Variants in SCUBE1 observed in about 807,000 individuals in gnomAD.
SCUBE1 encodes the protein signal peptide, CUB and EGF-like domain-containing protein 1.
SCUBE1 carries 59 observed loss-of-function variants against 124.4 expected under a neutral mutation model. The observed-to-expected ratio is 0.47, with a 90% CI of 0.38 to 0.59. The LOEUF (loss-of-function observed/expected upper bound fraction) is 0.59, where lower values mean the gene tolerates loss of function less well. Ranked by LOEUF, SCUBE1 falls within the 20% of genes least tolerant of loss-of-function variation. The pLI, the probability that SCUBE1 is intolerant of heterozygous loss-of-function variation, is 0.00. For missense variants in SCUBE1, 1,150 were observed against 1,371.2 expected (o/e 0.84, Z 2.55); for synonymous variants, 545 against 550.9 (o/e 0.99, Z 0.15).
rs751982052 is a variant in SCUBE1, at chr22:43,238,845, T to G, written c.837A>C (p.Thr279=). The change falls in exon 7 of 22, where the codon ACA becomes ACC. Residue 279 remains threonine (T), a synonymous_variant. Transcript: ENST00000360835. ...VGFTLQPDGK[T]CKDINECLVN... is the part of the protein sequence containing the mutation. ...ACAGCTCCACATGCTGACCTTTGCA[T>G]GTCTTCCCGTCCGGCTGCAGTGTGA... is the stretch of plus-strand genomic sequence containing the variant. The G allele has an allele frequency of 6.2e-7, 1 of 1,612,948 alleles. No homozygotes were observed. Among genetic ancestry groups the G allele is most frequent in the East Asian group, 2.2e-5 (1 of 44,882 alleles).
intron 6 of SCUBE1, among the ~76,000 whole-genome samples, chr22:43,253,607 C>T (rs1923542239): frequency 6.6e-6 from 1 of 152,142 alleles, no homozygotes; most frequent in African/African-American, 2.4e-5. Context: ...GCTGAGGCTA[C>T]CTGCATTCTC....
intron 6 of SCUBE1, among the ~76,000 whole-genome samples, chr22:43,244,605 G>GCT (rs1432617207): frequency 1.3e-5 from 2 of 152,224 alleles, no homozygotes; most frequent in African/African-American, 4.8e-5. Context: ...CGCTGTGCAG[G>GCT]GCACAAGGGC....
intron 4 of SCUBE1, among the ~76,000 whole-genome samples, chr22:43,268,368 T>C (rs543188439): frequency 3.3e-5 from 5 of 152,358 alleles, no homozygotes; most frequent in African/African-American, 1.2e-4. Flanking sequence ...CTCCCCTTCT[T>C]AATGGGAAGT....
chr22:43,207,451 C>T, intron 21 of SCUBE1, 83 bp downstream of exon 21: 1 of 1,090,250 alleles, frequency 9.2e-7, no homozygotes, highest in African/African-American at 1.5e-5. Context: ...CTCCAGGGGC[C>T]AGGGCTGGGG....
chr22:43,248,449 C>T (rs1026464324), intron 6 of SCUBE1, among the ~76,000 whole-genome samples: 12 of 152,254 alleles, frequency 7.9e-5, no homozygotes, highest in African/African-American at 2.7e-4. Context: ...ACAGCGGAGT[C>T]GCCATCACCT....
rs762203765 is a variant in SCUBE1, at chr22:43,223,180, G to T, written c.1244C>A (p.Pro415His). 1 of 1,572,590 alleles carries T rather than the reference G, an allele frequency of 6.4e-7. No homozygotes were observed. Residue 415 changes from proline to histidine, a missense_variant, in exon 11 of 22, where the codon CCC becomes CAC. This residue lies in a region of SCUBE1 where 757 missense variants were observed against 840.9 expected (regional missense o/e 0.90). Coordinates refer to ENST00000360835, the MANE Select transcript of SCUBE1 (RefSeq NM_173050.5). ...GKCLSRAKTSPRAQLSCSKAG... is the reference protein window; with the variant it reads ...GKCLSRAKTSHRAQLSCSKAG... ...CTTGCTGCAGGACAGCTGGGCCCGG[G>T]GGGAGGTCTTGGCGCGAGAAAGACA...
At chr22:43,296,945 C>T (rs1019444245) in intron 3 of SCUBE1, among the ~76,000 whole-genome samples, 7 of 152,204 alleles carry the variant, frequency 4.6e-5, no homozygotes, top group African/African-American at 1.7e-4. Flanking sequence ...TCCCCGTGAG[C>T]TGTGAACTCC....
At position 43,326,742 on chromosome 22, in the gene SCUBE1, C is replaced by T. The variant is rs79742202; in HGVS notation, c.221-6677G>A. On this transcript the variant is annotated intron_variant, in intron 2 of 21. Coordinates refer to ENST00000360835, the MANE Select transcript of SCUBE1 (RefSeq NM_173050.5). ...TTCCCACTCTGTGATTCAAGATAAC[C>T]GTGGGGTTGGAGCTGCTCAGTGACC... Among the ~76,000 whole-genome samples, 684 of 152,152 alleles carry T rather than the reference C, an allele frequency of 4.5e-3. 5 individuals carry two copies. Among genetic ancestry groups the T allele is most frequent in the African/African-American group, 0.016 (644 of 41,524 alleles).
At position 43,197,770 on chromosome 22, in the gene SCUBE1, C is replaced by T. The variant is rs2146638439; in HGVS notation, c.*6227G>A. 1 of 152,372 alleles carries T rather than the reference C, an allele frequency of 6.6e-6. No homozygotes were observed. The highest frequency in any genetic ancestry group is 6.5e-5 in the Admixed American group (1 of 15,310). The allele number at this position is 152,372 out of a possible 1,614,324, so 9.4% of individuals were successfully genotyped here. On this transcript the variant is annotated 3_prime_UTR_variant, in exon 22 of 22. Coordinates refer to ENST00000360835, the MANE Select transcript of SCUBE1 (RefSeq NM_173050.5). ...TCTGCTCACGTCGGCACAGTGAGTACCCTGTCCGCCTGGTAGGGAAGGCAG... is the reference window on the plus strand; with the variant it reads ...TCTGCTCACGTCGGCACAGTGAGTATCCTGTCCGCCTGGTAGGGAAGGCAG...
intron 3 of SCUBE1, among the ~76,000 whole-genome samples, chr22:43,293,890 G>A (rs1035914356): frequency 3.9e-5 from 6 of 152,164 alleles, no homozygotes; most frequent in Admixed American, 1.3e-4. Flanking sequence ...GCTCCCTGGC[G>A]CCGCCCATCT....
At chr22:43,222,831 G>T in intron 11 of SCUBE1, 89 bp from the exon 12 acceptor site, 1 of 1,117,158 alleles carries the variant, frequency 9.0e-7, no homozygotes, top group Non-Finnish European at 1.3e-6. Flanking sequence ...ATTGTGGAGT[G>T]AGACGAAGAT....
intron 4 of SCUBE1, among the ~76,000 whole-genome samples, chr22:43,280,492 CCCG>C (rs1569009480): frequency 2.4e-4 from 10 of 42,100 alleles, no homozygotes; most frequent in South Asian, 1.5e-3. Flanking sequence ...CTCACCCATC[CCCG>C]TCCCTTCCCC....
chr22:43,315,424 C>A (rs1184247189), intron 3 of SCUBE1, among the ~76,000 whole-genome samples: 1 of 152,180 alleles, frequency 6.6e-6, no homozygotes, highest in Non-Finnish European at 1.5e-5. Context: ...TTTCTGCCAA[C>A]ACTGATTAAG....
In SCUBE1 at chr22:43,284,493, G is replaced by C. The variant is rs539874576; in HGVS notation, c.484+6553C>G. Among the ~76,000 whole-genome samples, 6 of 152,358 alleles carry C rather than the reference G, an allele frequency of 3.9e-5. 1 individual carries two copies. In the South Asian group the frequency reaches 1.2e-3, roughly 32 times the overall value. Reference sequence around the variant, plus strand: ...TCACCATACTTGGGCCGACAACTGAGAGGGGTCCCAGAACCTTCCCCATTG... The same window carrying C: ...TCACCATACTTGGGCCGACAACTGACAGGGGTCCCAGAACCTTCCCCATTG... On this transcript the variant is annotated intron_variant, in intron 4 of 21. Coordinates refer to ENST00000360835, the MANE Select transcript of SCUBE1 (RefSeq NM_173050.5).
chr22:43,254,618 C>T (rs1421442743), intron 6 of SCUBE1, among the ~76,000 whole-genome samples: 3 of 152,120 alleles, frequency 2.0e-5, no homozygotes, highest in Middle Eastern at 3.2e-3. Context: ...GCCTCTTCCT[C>T]GGAGAAATGG....
rs1921918167 is a variant in SCUBE1, at chr22:43,218,133, T to C, written c.1891+122A>G. 1.2e-5 allele frequency: 11 copies of C among 899,762 alleles called. No individual in the cohort carries two copies. In the East Asian group the frequency reaches 2.7e-4, roughly 22 times the overall value. 55.7% of individuals were successfully genotyped at this position (899,762 alleles called of 1,614,324 possible). A position where few individuals can be genotyped will look rare whatever the true frequency, so the allele number is the denominator to read the frequency against. ...CTGCAGTCCTTCTCCCCGGCAGGCC[T>C]CTGCATCTCTCTGTCCCCTCCCCAG... On this transcript the variant is annotated intron_variant, in intron 15 of 21. Coordinates refer to ENST00000360835, the MANE Select transcript of SCUBE1 (RefSeq NM_173050.5).
intron 10 of SCUBE1, among the ~76,000 whole-genome samples, chr22:43,224,421 T>C (rs972901127): frequency 6.6e-6 from 1 of 152,236 alleles, no homozygotes; most frequent in African/African-American, 2.4e-5. Flanking sequence ...GACTATTAGA[T>C]AAAGGTTTAT....
At chr22:43,245,310 C>T (rs1033170890) in intron 6 of SCUBE1, among the ~76,000 whole-genome samples, 4 of 152,252 alleles carry the variant, frequency 2.6e-5, no homozygotes, top group Non-Finnish European at 5.9e-5. Flanking sequence ...CGCGCCTGGT[C>T]CTGACCACGC....
chr22:43,215,607 C>T (rs1239191148), intron 15 of SCUBE1, among the ~76,000 whole-genome samples: 1 of 152,166 alleles, frequency 6.6e-6, no homozygotes, highest in Non-Finnish European at 1.5e-5. Context: ...GATTAGGCCT[C>T]GAAGCTGAGG....
Sources: allele counts gnomAD v4.1 joint callset (sites outside exome capture counted in the v4.1 genomes callset), GRCh38; gene constraint gnomAD v4.1.1; regional missense constraint gnomAD v4.1.1; transcripts MANE v1.5; gene names NCBI Gene and HGNC (gene_info 2026-07-23, HGNC 2026-07-21).